ATP2C2: variants seen among roughly 807,000 people sequenced by gnomAD.
ATP2C2 encodes the protein ATPase secretory pathway Ca2+ transporting 2.
In ATP2C2, 171 loss-of-function variants were observed where a neutral mutation model predicts 110.8. The observed-to-expected ratio is 1.54, with a 90% CI of 1.36 to 1.75. ATP2C2 has a LOEUF of 1.75. Among genes scored for constraint, ATP2C2 ranks in the 40% most tolerant of loss-of-function variants. The pLI is 0.00. For missense variants in ATP2C2, 1,963 were observed against 1,235.0 expected (o/e 1.59, Z -8.84); for synonymous variants, 804 against 508.4 (o/e 1.58, Z -7.82).
rs1328742166 is a variant in ATP2C2 at position 84,440,941 on chromosome 16, G to A, written c.1294G>A (p.Val432Met). The change falls in exon 14 of 27, where the codon GTG becomes ATG. Residue 432 changes from valine (V) to methionine (M), a missense_variant. By Grantham distance (21) the Val-to-Met change is conservative (BLOSUM62 1). Transcript: ENST00000262429. ...EVIKEFSNVS[V>M]GKLVEAGCVA... ...CATTAAGGAATTTTCCAATGTCTCA[G>A]TGGGAAAGTTAGTGGAGGTAGGTGT... 3.1e-6 allele frequency: 5 copies of A among 1,612,554 alleles called. No individual in the cohort carries two copies. The highest frequency in any genetic ancestry group is 1.7e-5 in the Admixed American group (1 of 59,952).
chr16:84,432,463 C>T (rs1259178560), intron 11 of ATP2C2, among the ~76,000 whole-genome samples: 2 of 151,834 alleles, frequency 1.3e-5, no homozygotes, highest in African/African-American at 4.8e-5. Flanking sequence ...GTGGATGTCC[C>T]CCTCCCTGTG....
At chr16:84,400,819 A>G (rs1905272558) in intron 2 of ATP2C2, among the ~76,000 whole-genome samples, 1 of 152,208 alleles carries the variant, frequency 6.6e-6, no homozygotes, top group Non-Finnish European at 1.5e-5. Context: ...CTCTGATCAC[A>G]GATGGTGAGC....
chr16:84,369,095 G>A (rs1382462545), intron 1 of ATP2C2, among the ~76,000 whole-genome samples: 2 of 152,186 alleles, frequency 1.3e-5, no homozygotes, highest in African/African-American at 4.8e-5. Context: ...AACTTAAATT[G>A]GAAAATAAAA....
chr16:84,453,843 T>C (rs1299402172), intron 20 of ATP2C2, among the ~76,000 whole-genome samples: 1 of 151,530 alleles, frequency 6.6e-6, no homozygotes, highest in Non-Finnish European at 1.5e-5. Context: ...TTTTTTTTTC[T>C]GGGGGTGGGG....
chr16:84,453,225 G>A lies in ATP2C2; in HGVS notation c.1919G>A (p.Arg640His), dbSNP rs776921939. Reference sequence around the variant, plus strand: ...GTGGAGAAGGGCGAGCTGGCCGACCGCGTGGGGAAGGTGGGTCCCCGGAGG... The same window carrying A: ...GTGGAGAAGGGCGAGCTGGCCGACCACGTGGGGAAGGTGGGTCCCCGGAGG... ...DSVEKGELAD[R>H]VGKVSVFFRT... is the part of the protein sequence containing the mutation. Residue 640 changes from arginine to histidine, a missense_variant, in exon 19 of 27, where the codon CGC becomes CAC. By Grantham distance (29) the Arg-to-His change is conservative (BLOSUM62 0). Transcript: ENST00000262429. 1.2e-5 allele frequency: 20 copies of A among 1,613,928 alleles called. No individual in the cohort carries two copies. Among genetic ancestry groups the A allele is most frequent in the South Asian group, 4.4e-5 (4 of 91,072 alleles).
chr16:84,414,588 G>A (rs1016224708), intron 6 of ATP2C2, among the ~76,000 whole-genome samples: 6 of 152,198 alleles, frequency 3.9e-5, no homozygotes, highest in African/African-American at 1.4e-4. Context: ...AGCCAATCAA[G>A]GGCAGGGGTC....
intron 18 of ATP2C2, among the ~76,000 whole-genome samples, chr16:84,452,727 G>A (rs1272713440): frequency 2.0e-5 from 3 of 152,166 alleles, no homozygotes; most frequent in African/African-American, 2.4e-5. Flanking sequence ...TTGAACTCCT[G>A]AACTCAGGGA....
chr16:84,441,230 C>T (rs247900), intron 14 of ATP2C2, among the ~76,000 whole-genome samples: 45,567 of 151,938 alleles, frequency 0.3, 7,284 homozygotes, highest in East Asian at 0.38. Flanking sequence ...GCCAGGAGTT[C>T]GAGACCAGCC....
At chr16:84,421,319 G>C (rs1006293051) in intron 7 of ATP2C2, among the ~76,000 whole-genome samples, 1 of 152,274 alleles carries the variant, frequency 6.6e-6, no homozygotes, top group African/African-American at 2.4e-5. Flanking sequence ...GAAGTGGGGA[G>C]ACGGGCATTA....
intron 1 of ATP2C2, among the ~76,000 whole-genome samples, chr16:84,396,079 G>A (rs560656705): frequency 2.6e-5 from 4 of 152,130 alleles, no homozygotes; most frequent in South Asian, 2.1e-4. Flanking sequence ...TTGTCCTTTC[G>A]GGTCTGGCTT....
In ATP2C2 at chr16:84,425,772, A is replaced by T; in HGVS notation, c.957A>T (p.Gln319His). The change falls in exon 11 of 27, where the codon CAA becomes CAT. Residue 319 changes from glutamine to histidine, a missense_variant. Gln to His is a conservative substitution (Grantham distance 24, BLOSUM62 0). Transcript: ENST00000262429. ...TCATTGGCTGGTCGCAAGGGAAACAACTCCTGAGTATGTTCACGATCGGGG... is the reference window on the plus strand; with the variant it reads ...TCATTGGCTGGTCGCAAGGGAAACATCTCCTGAGTATGTTCACGATCGGGG... ...IMLIGWSQGKQLLSMFTIGVS... is the reference protein window; with the variant it reads ...IMLIGWSQGKHLLSMFTIGVS... The T allele has an allele frequency of 6.2e-7, 1 of 1,613,810 alleles. No homozygotes were observed. The highest frequency in any genetic ancestry group is 8.5e-7 in the Non-Finnish European group (1 of 1,179,960).
At chr16:84,420,892 G>A (rs539973230) in intron 7 of ATP2C2, among the ~76,000 whole-genome samples, 12 of 152,122 alleles carry the variant, frequency 7.9e-5, no homozygotes, top group Admixed American at 3.9e-4. Context: ...TGCAACCTCC[G>A]CCTCCTGGGT....
At chr16:84,451,869 C>A in intron 17 of ATP2C2, 52 bp from the exon 18 acceptor site, 1 of 1,536,860 alleles carries the variant, frequency 6.5e-7, no homozygotes, top group African/African-American at 1.4e-5. Context: ...CAACAAAAAA[C>A]GACGGCCCCT....
intron 10 of ATP2C2, 91 bp downstream of exon 10, chr16:84,423,354 G>A: frequency 8.3e-7 from 1 of 1,210,532 alleles, no homozygotes; most frequent in South Asian, 1.3e-5. Context: ...CAAATATCTT[G>A]CTACTCAGCT....
chr16:84,387,409 G>C (rs578136519), intron 1 of ATP2C2, among the ~76,000 whole-genome samples: 5 of 152,260 alleles, frequency 3.3e-5, no homozygotes, highest in African/African-American at 1.2e-4. Flanking sequence ...CCACTCAGGA[G>C]GCTGAGGCAG....
At position 84,460,800 on chromosome 16, in the gene ATP2C2, A is replaced by T. The variant is rs754021593; in HGVS notation, c.2480A>T (p.Glu827Val). ...ISGTLFIFWK[E>V]MPEDRASTPR... ...GGGACCCTCTTTATCTTCTGGAAGGAGGTGAGCGAGGGTCACCCCGGCCTG... is the reference window on the plus strand; with the variant it reads ...GGGACCCTCTTTATCTTCTGGAAGGTGGTGAGCGAGGGTCACCCCGGCCTG... The change falls in exon 24 of 27, where the codon GAG (glutamate) becomes GTG (valine). Residue 827 changes from glutamate (E) to valine (V), a missense_variant and splice_region_variant. By Grantham distance (121) the Glu-to-Val change is moderately radical (BLOSUM62 -2). Coordinates refer to ENST00000262429, the MANE Select transcript of ATP2C2 (RefSeq NM_014861.4). 3 of 1,610,802 alleles carry T rather than the reference A, an allele frequency of 1.9e-6. No homozygotes were observed. Among genetic ancestry groups the T allele is most frequent in the African/African-American group, 1.3e-5 (1 of 74,852 alleles).
chr16:84,388,862 C>G (rs1355460819), intron 1 of ATP2C2, among the ~76,000 whole-genome samples: 1 of 152,190 alleles, frequency 6.6e-6, no homozygotes, highest in Non-Finnish European at 1.5e-5. Context: ...ACCTCCGCCT[C>G]CTGGGTTCAA....
intron 1 of ATP2C2, among the ~76,000 whole-genome samples, chr16:84,371,187 C>A (rs2151391923): frequency 6.6e-6 from 1 of 152,248 alleles, no homozygotes; most frequent in East Asian, 1.9e-4. Context: ...GTTAGAAGCA[C>A]TGGAGACTGG....
intron 4 of ATP2C2, 73 bp from the exon 5 acceptor site, chr16:84,410,495 C>G (rs1047979505): frequency 6.6e-7 from 1 of 1,505,696 alleles, no homozygotes; most frequent in East Asian, 2.3e-5. Flanking sequence ...AAGACAAGCC[C>G]CTAGCCTGCC....
Sources: allele counts gnomAD v4.1 joint callset (sites outside exome capture counted in the v4.1 genomes callset), GRCh38; gene constraint gnomAD v4.1.1; transcripts MANE v1.5; gene names NCBI Gene and HGNC (gene_info 2026-07-23, HGNC 2026-07-21).